TAF2: variants seen among roughly 807,000 people sequenced by gnomAD.
TAF2 encodes transcription initiation factor TFIID subunit 2.
TAF2 carries 61 observed loss-of-function variants against 138.5 expected under a neutral mutation model. The ratio of observed to expected loss-of-function variants is 0.44; its 90% CI spans 0.36 to 0.54. The LOEUF (loss-of-function observed/expected upper bound fraction) is 0.54. Among genes scored for constraint, TAF2 ranks in the 20% least tolerant of loss-of-function variants. The pLI is 0.00. For synonymous variants in TAF2, 475 were observed against 469.9 expected (o/e 1.01, Z -0.14); for missense variants, 1,090 against 1,427.9 (o/e 0.76, Z 3.81).
chr8:119,744,990 T>C (rs1299825144), intron 23 of TAF2: 1 of 456,258 alleles, frequency 2.2e-6, no homozygotes, highest in Non-Finnish European at 4.4e-6. Context: ...TCCCTGCTGA[T>C]GAGCTGATAT....
In TAF2 at chr8:119,788,917, A is replaced by G. The variant is rs760827278; in HGVS notation, c.1569-13T>C. Reference sequence around the variant, plus strand: ...TCCACTCTGATCTCTGAAGAATTGTAAAGGAAAGTTTACATACTGAAACGA... The same window carrying G: ...TCCACTCTGATCTCTGAAGAATTGTGAAGGAAAGTTTACATACTGAAACGA... On this transcript the variant is annotated splice_polypyrimidine_tract_variant and intron_variant, in intron 12 of 25. Coordinates refer to ENST00000378164, the MANE Select transcript of TAF2 (RefSeq NM_003184.4). 3 of 1,541,258 alleles carry G rather than the reference A, an allele frequency of 1.9e-6. No homozygotes were observed. In the South Asian group the frequency reaches 3.3e-5, roughly 17 times the overall value.
At chr8:119,821,626 CT>C (rs551420722) in intron 2 of TAF2, among the ~76,000 whole-genome samples, 393 of 152,288 alleles carry the variant, frequency 2.6e-3, no homozygotes, top group Non-Finnish European at 4.1e-3. Context: ...GGTAGACTCC[CT>C]GTATTCAAAT....
Position 119,801,914 on chromosome 8 carries a change from C to T in TAF2, c.672G>A (p.Val224=). 1 of 1,614,156 alleles carries T rather than the reference C, an allele frequency of 6.2e-7. No individual in the cohort carries two copies. Among genetic ancestry groups the T allele is most frequent in the Non-Finnish European group, 8.5e-7 (1 of 1,180,018 alleles). ...AVSNGDLVET[V]YTHDMRKKTF... is the part of the protein sequence containing the mutation. ...TTTTCTTCCTCATATCATGAGTATACACTGTCTCCACCAAATCGCCATTAG... is the reference window on the plus strand; with the variant it reads ...TTTTCTTCCTCATATCATGAGTATATACTGTCTCCACCAAATCGCCATTAG... The change falls in exon 6 of 26, where the codon GTG becomes GTA. Residue 224 remains valine, a synonymous_variant. Coordinates refer to ENST00000378164, the MANE Select transcript of TAF2 (RefSeq NM_003184.4).
At chr8:119,801,214 A>G (rs980404866) in intron 6 of TAF2, among the ~76,000 whole-genome samples, 2 of 152,214 alleles carry the variant, frequency 1.3e-5, no homozygotes, top group African/African-American at 4.8e-5. Flanking sequence ...AATTAGTTAC[A>G]GAAATCTACC....
At chr8:119,801,506 G>C (rs1824258172) in intron 6 of TAF2, among the ~76,000 whole-genome samples, 1 of 149,010 alleles carries the variant, frequency 6.7e-6, no homozygotes, top group Non-Finnish European at 1.5e-5. Context: ...TCAGCTCACT[G>C]CAAGCTCTGC....
At chr8:119,749,928 A>C (rs1024953989) in intron 22 of TAF2, among the ~76,000 whole-genome samples, 4 of 152,234 alleles carry the variant, frequency 2.6e-5, no homozygotes, top group African/African-American at 9.6e-5. Flanking sequence ...TCTGAGACCA[A>C]GCCTGTTTAT....
At chr8:119,779,321 ATGCCTTATATT>A (rs555698730) in intron 17 of TAF2, among the ~76,000 whole-genome samples, 137 of 151,812 alleles carry the variant, frequency 9.0e-4, no homozygotes, top group Middle Eastern at 3.4e-3. Context: ...TGAACCCCAA[ATGCCTTATATT>A]GAATACTACC....
At chr8:119,774,563 T>C (rs985836150) in intron 18 of TAF2, among the ~76,000 whole-genome samples, 1 of 151,738 alleles carries the variant, frequency 6.6e-6, no homozygotes, top group Non-Finnish European at 1.5e-5. Flanking sequence ...ACATAAGCCC[T>C]CTTCCAATGT....
At chr8:119,801,736 T>C (rs1171446921) in intron 6 of TAF2, 58 bp downstream of exon 6, 8 of 1,543,748 alleles carry the variant, frequency 5.2e-6, no homozygotes, top group Non-Finnish European at 7.2e-6. Context: ...CCAATATCTA[T>C]CTTTTTAAAA....
chr8:119,731,144 A>C lies in TAF2; in HGVS notation c.*780T>G, dbSNP rs1044169456. ...GTGTGTAAATTGTCCACATTAAGCAAAACATATTTTACATATGAATATTTT... is the reference window on the plus strand; with the variant it reads ...GTGTGTAAATTGTCCACATTAAGCACAACATATTTTACATATGAATATTTT... On this transcript the variant is annotated 3_prime_UTR_variant, in exon 26 of 26. Transcript: ENST00000378164. 2.4e-4 allele frequency: 36 copies of C among 152,194 alleles called. No individual in the cohort carries two copies. Among genetic ancestry groups the C allele is most frequent in the African/African-American group, 7.7e-4 (32 of 41,466 alleles). The allele number at this position is 152,194 out of a possible 1,614,324, so 9.4% of individuals were successfully genotyped here.
chr8:119,826,191 C>G (rs1355365978), intron 2 of TAF2, among the ~76,000 whole-genome samples: 1 of 151,602 alleles, frequency 6.6e-6, no homozygotes, highest in East Asian at 1.9e-4. Flanking sequence ...AGCTAACCAC[C>G]AGGGCACATG....
chr8:119,765,339 C>T (rs1237163113), intron 18 of TAF2, among the ~76,000 whole-genome samples: 2 of 151,944 alleles, frequency 1.3e-5, no homozygotes, highest in African/African-American at 4.8e-5. Context: ...CAAATTGTTC[C>T]AGGAGTCAAG....
chr8:119,764,954 TA>T (rs1821321130), intron 18 of TAF2, among the ~76,000 whole-genome samples: 1 of 152,044 alleles, frequency 6.6e-6, no homozygotes, highest in African/African-American at 2.4e-5. Flanking sequence ...AATTTTTTAT[TA>T]AAAAAATACG....
At chr8:119,781,018 TAAAAACCATGAGAA>T in intron 17 of TAF2, 21 bp downstream of exon 17, 2 of 1,593,880 alleles carry the variant, frequency 1.3e-6, no homozygotes, top group South Asian at 2.2e-5. Context: ...CTGAAATATA[TAAAAACCATGAGAA>T]AATTAGAAAG....
chr8:119,807,786 GT>G (rs1389573650), intron 3 of TAF2, among the ~76,000 whole-genome samples: 1 of 152,132 alleles, frequency 6.6e-6, no homozygotes, highest in African/African-American at 2.4e-5. Context: ...GCCAGGCGTG[GT>G]GGTGCATGCC....
At chr8:119,753,095 G>GA (rs1012199372) in intron 22 of TAF2, among the ~76,000 whole-genome samples, 5 of 152,046 alleles carry the variant, frequency 3.3e-5, no homozygotes, top group Admixed American at 3.3e-4. Flanking sequence ...ATAGCAGTGT[G>GA]AAAAATTCTC....
chr8:119,832,431 A>C (rs762085637), intron 1 of TAF2, 51 bp downstream of exon 1: 8 of 1,579,032 alleles, frequency 5.1e-6, no homozygotes, highest in Middle Eastern at 1.7e-4. Context: ...GCAAAATATA[A>C]TTAATGGCAA....
chr8:119,788,522 A>T, intron 13 of TAF2, 75 bp from the exon 14 acceptor site: 2 of 1,218,876 alleles, frequency 1.6e-6, no homozygotes, highest in South Asian at 2.4e-5. Context: ...TGTACAGAGA[A>T]ATATAAATCA....
intron 25 of TAF2, among the ~76,000 whole-genome samples, chr8:119,738,512 A>G (rs1005175808): frequency 6.6e-6 from 1 of 152,198 alleles, no homozygotes; most frequent in African/African-American, 2.4e-5. Flanking sequence ...AACAGCAAAT[A>G]TATCAGAGAA....
Sources: allele counts gnomAD v4.1 joint callset (sites outside exome capture counted in the v4.1 genomes callset), GRCh38; gene constraint gnomAD v4.1.1; transcripts MANE v1.5; gene names NCBI Gene and HGNC (gene_info 2026-07-23, HGNC 2026-07-21).